Variants in ASTN2 observed in about 807,000 individuals in gnomAD.
ASTN2 encodes the protein astrotactin 2.
In ASTN2, 54 loss-of-function variants were observed where a neutral mutation model predicts 139.8. The ratio of observed to expected loss-of-function variants is 0.39; its 90% CI spans 0.31 to 0.48. ASTN2 has a LOEUF of 0.48. Among genes scored for constraint, ASTN2 ranks in the 20% least tolerant of loss-of-function variants. The probability of loss-of-function intolerance (pLI) is 0.95; values close to 1 mark genes in which losing one functional copy is unlikely to be tolerated. For missense variants in ASTN2, 1,565 were observed against 1,725.1 expected, an observed-to-expected ratio of 0.91 and a Z score of 1.64; for synonymous variants, 756 against 719.5, an observed-to-expected ratio of 1.05 and a Z score of -0.81.
chr9:117,120,303 C>A (rs1368629416), intron 4 of ASTN2, among the ~76,000 whole-genome samples: 1 of 151,850 alleles, frequency 6.6e-6, no homozygotes, highest in South Asian at 2.1e-4. Context: ...ACAACATGCC[C>A]ACTTTCTGGA....
chr9:116,644,357 G>T (rs933509710), intron 17 of ASTN2, among the ~76,000 whole-genome samples: 1 of 152,148 alleles, frequency 6.6e-6, no homozygotes, highest in Non-Finnish European at 1.5e-5. Flanking sequence ...AGGATTGGAA[G>T]TCTGAAAACC....
chr9:117,108,752 G>A (rs112324091), intron 4 of ASTN2, among the ~76,000 whole-genome samples: 5 of 152,186 alleles, frequency 3.3e-5, no homozygotes, highest in African/African-American at 1.2e-4. Context: ...AATATCTTGG[G>A]TGCATTCAGA....
At chr9:116,664,734 C>A (rs1481951882) in intron 16 of ASTN2, among the ~76,000 whole-genome samples, 1 of 151,278 alleles carries the variant, frequency 6.6e-6, no homozygotes, top group Non-Finnish European at 1.5e-5. Flanking sequence ...GAGAAAATAA[C>A]AATTTAGAGT....
intron 3 of ASTN2, among the ~76,000 whole-genome samples, chr9:117,181,453 A>G (rs1831064528): frequency 6.6e-6 from 1 of 152,220 alleles, no homozygotes; most frequent in African/African-American, 2.4e-5. Context: ...TAATCCCTCT[A>G]TAACCTAGCA....
chr9:116,489,752 A>G (rs1313504265), intron 19 of ASTN2, among the ~76,000 whole-genome samples: 1 of 152,264 alleles, frequency 6.6e-6, no homozygotes, highest in Non-Finnish European at 1.5e-5. Flanking sequence ...CAACAGTTCT[A>G]GAAGGTATTT....
At chr9:117,003,183 C>G (rs1050074160) in intron 7 of ASTN2, among the ~76,000 whole-genome samples, 4 of 152,150 alleles carry the variant, frequency 2.6e-5, no homozygotes, top group African/African-American at 7.2e-5. Context: ...GATAATTAAA[C>G]TAACAAATTT....
intron 13 of ASTN2, among the ~76,000 whole-genome samples, chr9:116,754,188 A>G (rs1829477847): frequency 6.6e-6 from 1 of 151,672 alleles, no homozygotes; most frequent in African/African-American, 2.4e-5. Flanking sequence ...TATGTGCCAC[A>G]TTTTCTTTTT....
At chr9:116,707,904 C>T (rs1003334618) in intron 16 of ASTN2, among the ~76,000 whole-genome samples, 1 of 152,132 alleles carries the variant, frequency 6.6e-6, no homozygotes, top group African/African-American at 2.4e-5. Flanking sequence ...AGATATGCCT[C>T]ATCTTAATCA....
rs1037925502 is a variant in ASTN2, at chr9:117,101,640, A to G, written c.1169-5489T>C. On this transcript the variant is annotated intron_variant, in intron 4 of 22. Coordinates refer to ENST00000313400, the MANE Select transcript of ASTN2 (RefSeq NM_001365068.1). ...TCCTACACCTCACAAGGGGTCTGAG[A>G]TGTAGGAGTTAATCCCATTTTATTG... 4.6e-5 allele frequency among the ~76,000 whole-genome samples: 7 copies of G among 152,278 alleles called. No homozygotes were observed. In the East Asian group the frequency reaches 1.4e-3, roughly 29 times the overall value.
In ASTN2 at chr9:116,856,045, G is replaced by A. The variant is rs181218740; in HGVS notation, c.2040+7538C>T. Among the ~76,000 whole-genome samples, 142 of 152,264 alleles carry A rather than the reference G, an allele frequency of 9.3e-4. 2 individuals are homozygous for A. Among genetic ancestry groups the A allele is most frequent in the African/African-American group, 3.2e-3 (134 of 41,552 alleles). ...CTATTTGACTAGAGGATACTTTGAT[G>A]AAGACACCATGGGGGCGATATGTCA... is the stretch of plus-strand genomic sequence containing the variant. On this transcript the variant is annotated intron_variant, in intron 11 of 22. Transcript: ENST00000313400.
intron 13 of ASTN2, among the ~76,000 whole-genome samples, chr9:116,744,963 C>T (rs1363498124): frequency 6.6e-6 from 1 of 152,150 alleles, no homozygotes; most frequent in African/African-American, 2.4e-5. Context: ...CAGACGGAGG[C>T]TCTCAGAACT....
At chr9:117,247,381 A>T (rs1384724886) in intron 2 of ASTN2, among the ~76,000 whole-genome samples, 1 of 152,168 alleles carries the variant, frequency 6.6e-6, no homozygotes, top group Admixed American at 6.5e-5. Flanking sequence ...CCCATCATTG[A>T]TGAAGTCCCC....
chr9:116,472,509 T>C (rs1048056870), intron 20 of ASTN2, among the ~76,000 whole-genome samples: 2 of 152,146 alleles, frequency 1.3e-5, no homozygotes, highest in East Asian at 3.9e-4. Flanking sequence ...GCTCTTTCAG[T>C]CTCAGCCATA....
intron 19 of ASTN2, among the ~76,000 whole-genome samples, chr9:116,510,165 T>C (rs1363903437): frequency 1.3e-5 from 2 of 152,230 alleles, no homozygotes; most frequent in Admixed American, 1.3e-4. Context: ...CTTTAATCCA[T>C]CTTGAATTAA....
intron 2 of ASTN2, among the ~76,000 whole-genome samples, chr9:117,227,128 G>A (rs1355556553): frequency 6.6e-6 from 1 of 152,118 alleles, no homozygotes; most frequent in African/African-American, 2.4e-5. Flanking sequence ...GTTGGTGTGG[G>A]TGAGGGTCAT....
intron 5 of ASTN2, among the ~76,000 whole-genome samples, chr9:117,073,061 A>AGAAAGTCAAAGAT (rs1828178504): frequency 1.3e-5 from 2 of 152,214 alleles, no homozygotes; most frequent in South Asian, 4.1e-4. Context: ...TAAAAAACAG[A>AGAAAGTCAAAGAT]GAAAGTCAAA....
intron 5 of ASTN2, among the ~76,000 whole-genome samples, chr9:117,089,216 C>T (rs1391306624): frequency 6.6e-6 from 1 of 152,134 alleles, no homozygotes; most frequent in Non-Finnish European, 1.5e-5. Context: ...AAGTTGAGGT[C>T]CCGAGGGAGC....
chr9:117,127,350 G>A (rs1003545987), intron 4 of ASTN2, among the ~76,000 whole-genome samples: 1 of 152,214 alleles, frequency 6.6e-6, no homozygotes, highest in Non-Finnish European at 1.5e-5. Context: ...CAGGTAGCAA[G>A]GCTGATACAG....
intron 2 of ASTN2, among the ~76,000 whole-genome samples, chr9:117,288,108 G>A (rs1834494867): frequency 6.6e-6 from 1 of 152,198 alleles, no homozygotes; most frequent in South Asian, 2.1e-4. Flanking sequence ...CAGCTGAGGA[G>A]GGTATGCTGA....
Sources: gnomAD v4.1 joint callset for allele counts (sites outside exome capture counted in the v4.1 genomes callset) on GRCh38, gnomAD v4.1.1 for gene constraint, MANE v1.5 for transcripts, NCBI Gene and HGNC (gene_info 2026-07-23, HGNC 2026-07-21) for gene names.